The following GET4 variants were observed in gnomAD, a reference collection of about 807,000 sequenced individuals.
GET4 encodes Golgi to ER traffic protein 4 homolog.
A neutral mutation model predicts 40.0 loss-of-function variants in GET4; 20 were observed. The ratio of observed to expected loss-of-function variants is 0.50; its 90% CI spans 0.35 to 0.73. The LOEUF is 0.73. Among genes scored for constraint, GET4 ranks in the 30% least tolerant of loss-of-function variants. The pLI is 0.01. For synonymous variants in GET4, 280 were observed against 194.6 expected (o/e 1.44, Z -3.65); for missense variants, 557 against 454.0 (o/e 1.23, Z -2.06).
In GET4 at chr7:893,737, C is replaced by T. The variant is rs779178788; in HGVS notation, c.747-3C>T. The T allele has an allele frequency of 1.4e-5, 23 of 1,595,782 alleles. No individual in the cohort carries two copies. The highest frequency in any genetic ancestry group is 2.2e-5 in the South Asian group (2 of 89,820). ...AGCACATCCCTGTGTGTCTCTGTCC[C>T]AGTGGGAAGCTGACGGTGTTCACTG... On this transcript the variant is annotated splice_region_variant and splice_polypyrimidine_tract_variant and intron_variant, in intron 6 of 8. Coordinates refer to ENST00000265857, the MANE Select transcript of GET4 (RefSeq NM_015949.3).
intron 1 of GET4, chr7:885,703 G>A: frequency 4.6e-6 from 1 of 216,166 alleles, no homozygotes; most frequent in Non-Finnish European, 9.3e-6. Flanking sequence ...GCTCTCAGGT[G>A]GCCACATGCA....
chr7:876,790 C>G lies in GET4; in HGVS notation c.145C>G (p.Leu49Val), dbSNP rs764613864. 2.4e-6 allele frequency: 3 copies of G among 1,249,218 alleles called. No individual in the cohort carries two copies. The highest frequency in any genetic ancestry group is 3.1e-6 in the Non-Finnish European group (3 of 981,830). 77.4% of individuals were successfully genotyped at this position (1,249,218 alleles called of 1,614,324 possible). ...YYEAHQMYRT[L>V]FFRYMSQSKH... ...CGAGGCGCACCAGATGTACCGGACCCTGTTCTTCAGGTACCCGCGCCCGGC... is the reference window on the plus strand; with the variant it reads ...CGAGGCGCACCAGATGTACCGGACCGTGTTCTTCAGGTACCCGCGCCCGGC... Residue 49 changes from leucine to valine, a missense_variant, in exon 1 of 9, where the codon CTG becomes GTG. Leu to Val is a conservative substitution (Grantham distance 32). Coordinates refer to ENST00000265857, the MANE Select transcript of GET4 (RefSeq NM_015949.3).
At position 895,756 on chromosome 7, in the gene GET4, C is replaced by T. The variant is rs532783135; in HGVS notation, c.*334C>T. On this transcript the variant is annotated 3_prime_UTR_variant, in exon 9 of 9. Coordinates refer to ENST00000265857, the MANE Select transcript of GET4 (RefSeq NM_015949.3). ...GGGCTGATGGGCAGCACAGGAGGCC[C>T]GTCCTCGGGGGGCTGCGCACATCAC... 40 of 184,510 alleles carry T rather than the reference C, an allele frequency of 2.2e-4. No homozygotes were observed. Among genetic ancestry groups the T allele is most frequent in the South Asian group, 5.0e-4 (3 of 6,052 alleles). 11.4% of individuals were successfully genotyped at this position (184,510 alleles called of 1,614,324 possible).
intron 6 of GET4, among the ~76,000 whole-genome samples, chr7:892,852 A>T (rs1468073641): frequency 6.9e-6 from 1 of 143,920 alleles, no homozygotes; most frequent in Non-Finnish European, 1.5e-5. Flanking sequence ...TGGTGTGGGT[A>T]GTTGGGGTGC....
At chr7:876,914 G>A (rs1271859681) in intron 1 of GET4, 114 bp downstream of exon 1, 23 of 454,570 alleles carry the variant, frequency 5.1e-5, no homozygotes, top group Non-Finnish European at 6.3e-5. Context: ...TCGCGGGGGC[G>A]AGCTGGACCC....
At chr7:886,521 C>G (rs773191906) in intron 2 of GET4, 48 bp from the exon 3 acceptor site, 1 of 1,387,900 alleles carries the variant, frequency 7.2e-7, no homozygotes, top group Non-Finnish European at 1.0e-6. Context: ...CTGTCCTGAA[C>G]AGGTCAGGGC....
chr7:882,176 C>T (rs1019193593), intron 1 of GET4: 4 of 152,282 alleles, frequency 2.6e-5, no homozygotes, highest in Admixed American at 6.5e-5. Flanking sequence ...TTAGAGTCCT[C>T]TGGACATAAC....
intron 4 of GET4, among the ~76,000 whole-genome samples, chr7:888,585 G>A (rs1237803714): frequency 6.6e-6 from 1 of 152,246 alleles, no homozygotes; most frequent in Non-Finnish European, 1.5e-5. Flanking sequence ...CCGAGTGGCG[G>A]GGCACCCACA....
At position 887,108 on chromosome 7, in the gene GET4, A is replaced by G. The variant is rs546175447; in HGVS notation, c.317-262A>G. ...CCAGAGCGGCCACAGCTGTTCCTGG[A>G]CTCCAGCTCCCCACGGCACCTTCCC... On this transcript the variant is annotated intron_variant, in intron 3 of 8. Coordinates refer to ENST00000265857, the MANE Select transcript of GET4 (RefSeq NM_015949.3). 64 of 652,426 alleles carry G rather than the reference A, an allele frequency of 9.8e-5. No homozygotes were observed. The Admixed American group carries it at 1.3e-3, about 13-fold the overall frequency. The allele number at this position is 652,426 out of a possible 1,614,324, so 40.4% of individuals were successfully genotyped here. A position where few individuals can be genotyped will look rare whatever the true frequency, so the allele number is the denominator to read the frequency against.
intron 1 of GET4, chr7:883,928 C>G (rs1390987334): frequency 1.9e-6 from 2 of 1,066,364 alleles, no homozygotes; most frequent in South Asian, 2.7e-5. Flanking sequence ...GAATTCTCCT[C>G]CCGTCCTTTT....
Position 876,729 on chromosome 7 carries a change from C to G in GET4, c.84C>G (p.Gly28=), listed in dbSNP as rs954410104. ...GCGGCGGCGTCCAGCGTGTGGAGGGCAAGCTGCGCGCCAGCGTCGAGAAGG... is the reference window on the plus strand; with the variant it reads ...GCGGCGGCGTCCAGCGTGTGGAGGGGAAGCTGCGCGCCAGCGTCGAGAAGG... ...RNRGGVQRVE[G]KLRASVEKGD... The change falls in exon 1 of 9, where the codon GGC becomes GGG. Residue 28 remains glycine (G), a synonymous_variant. Transcript: ENST00000265857. 2 of 1,379,404 alleles carry G rather than the reference C, an allele frequency of 1.4e-6. No homozygotes were observed. The highest frequency in any genetic ancestry group is 1.9e-6 in the Non-Finnish European group (2 of 1,051,066). The allele number at this position is 1,379,404 out of a possible 1,614,324, so 85.4% of individuals were successfully genotyped here. A position where few individuals can be genotyped will look rare whatever the true frequency, so the allele number is the denominator to read the frequency against.
In GET4 at chr7:883,855, C is replaced by T. The variant is rs187267045; in HGVS notation, c.156-2201C>T. On this transcript the variant is annotated intron_variant, in intron 1 of 8. Transcript: ENST00000265857. ...GAGCCGCCTTAGACGGTTTGCCTGT[C>T]ACCGGCATTCCTGGACCTGGAAACG... is the stretch of plus-strand genomic sequence containing the variant. 4,720 of 1,021,872 alleles carry T rather than the reference C, an allele frequency of 4.6e-3. 37 individuals carry two copies. The highest frequency in any genetic ancestry group is 0.025 in the South Asian group (682 of 27,822). The allele number at this position is 1,021,872 out of a possible 1,614,324, so 63.3% of individuals were successfully genotyped here.
rs1255431116 is a variant in GET4, at chr7:883,430, C to A, written c.156-2626C>A. ...TTTCTTCATTTGACACCGACAGTCT[C>A]GGCCACTAGTTCTAATGCTTGCGTT... On this transcript the variant is annotated intron_variant, in intron 1 of 8. Coordinates refer to ENST00000265857, the MANE Select transcript of GET4 (RefSeq NM_015949.3). The A allele has an allele frequency of 5.1e-6, 4 of 790,118 alleles. No homozygotes were observed. In the Admixed American group the frequency reaches 1.9e-4, roughly 37 times the overall value. The allele number at this position is 790,118 out of a possible 1,614,324, so 48.9% of individuals were successfully genotyped here.
In GET4 at chr7:893,731, C is replaced by T. The variant is rs749957924; in HGVS notation, c.747-9C>T. ...TCACCCAGCACATCCCTGTGTGTCT[C>T]TGTCCCAGTGGGAAGCTGACGGTGT... On this transcript the variant is annotated splice_polypyrimidine_tract_variant and intron_variant, in intron 6 of 8. Coordinates refer to ENST00000265857, the MANE Select transcript of GET4 (RefSeq NM_015949.3). The T allele has an allele frequency of 1.9e-6, 3 of 1,587,350 alleles. No homozygotes were observed. Among genetic ancestry groups the T allele is most frequent in the Non-Finnish European group, 2.6e-6 (3 of 1,159,120 alleles).
intron 5 of GET4, 41 bp from the exon 6 acceptor site, chr7:892,237 G>A: frequency 6.3e-7 from 1 of 1,579,036 alleles, no homozygotes. Context: ...CAGAAGCTGT[G>A]TCCTCCAGCC....
In GET4 at chr7:895,641, GCC is replaced by G; in HGVS notation, c.*220_*221del. 2.4e-6 allele frequency: 1 copy of G among 420,842 alleles called. No homozygotes were observed. The highest frequency in any genetic ancestry group is 4.3e-6 in the Non-Finnish European group (1 of 233,454). The allele number at this position is 420,842 out of a possible 1,614,324, so 26.1% of individuals were successfully genotyped here. On this transcript the variant is annotated 3_prime_UTR_variant, in exon 9 of 9. Transcript: ENST00000265857. ...GAGTGGGGCGTCGCCCCTGCTGGCCGCCGCGTCCCCCGAGATTGACCCACAAT... is the reference window on the plus strand; with the variant it reads ...GAGTGGGGCGTCGCCCCTGCTGGCCGGCGTCCCCCGAGATTGACCCACAAT...
intron 1 of GET4, among the ~76,000 whole-genome samples, chr7:878,695 C>T (rs1164850625): frequency 6.6e-6 from 1 of 151,970 alleles, no homozygotes; most frequent in Non-Finnish European, 1.5e-5. Context: ...ATTCTCCTGC[C>T]TCAGCCTCCT....
chr7:883,517 C>G, intron 1 of GET4: 1 of 985,338 alleles, frequency 1.0e-6, no homozygotes, highest in Non-Finnish European at 1.2e-6. Flanking sequence ...ATTGTTTGCC[C>G]AGACACTTTG....
intron 1 of GET4, among the ~76,000 whole-genome samples, chr7:878,728 G>A (rs1022156504): frequency 1.3e-5 from 2 of 151,880 alleles, no homozygotes; most frequent in Non-Finnish European, 2.9e-5. Flanking sequence ...TTACTGGCGC[G>A]CACCACCACC....
Sources: allele counts gnomAD v4.1 joint callset (sites outside exome capture counted in the v4.1 genomes callset), GRCh38; gene constraint gnomAD v4.1.1; transcripts MANE v1.5; gene names NCBI Gene and HGNC (gene_info 2026-07-23, HGNC 2026-07-21).